Variants in RNF38 observed in about 807,000 individuals in gnomAD.
RNF38 encodes ring finger protein 38.
Under a neutral mutation model 67.2 loss-of-function variants are expected in RNF38, and 15 were observed. The observed-to-expected ratio is 0.22, with a 90% CI of 0.15 to 0.34. The LOEUF (loss-of-function observed/expected upper bound fraction) is 0.34. Ranked by LOEUF, RNF38 falls within the 10% of genes least tolerant of loss-of-function variation. The pLI is 1.00. For synonymous variants in RNF38, 220 were observed against 218.8 expected, an observed-to-expected ratio of 1.01 and a Z score of -0.05; for missense variants, 524 against 639.9, an observed-to-expected ratio of 0.82 and a Z score of 1.95.
chr9:36,453,528 G>A (rs1328004456), intron 1 of RNF38, among the ~76,000 whole-genome samples: 4 of 151,826 alleles, frequency 2.6e-5, no homozygotes, highest in African/African-American at 7.3e-5. Context: ...GATTACAGGC[G>A]CACGCTGCCA....
chr9:36,350,152 C>T (rs1225849203), intron 9 of RNF38, among the ~76,000 whole-genome samples: 1 of 152,170 alleles, frequency 6.6e-6, no homozygotes, highest in Non-Finnish European at 1.5e-5. Flanking sequence ...TATCCTTCCC[C>T]CATTGTGTTT....
At chr9:36,483,477 A>G (rs1840328864) in intron 1 of RNF38, among the ~76,000 whole-genome samples, 1 of 152,182 alleles carries the variant, frequency 6.6e-6, no homozygotes, top group Non-Finnish European at 1.5e-5. Flanking sequence ...CAGGCACTTC[A>G]CAAATTTCAC....
rs140575035 is a variant in RNF38, at chr9:36,487,293, T to G, written n.241+15A>C. On this transcript the variant is annotated intron_variant and non_coding_transcript_variant, in intron 1 of 3. Coordinates refer to the RNF38 transcript ENST00000488058. Reference sequence around the variant, plus strand: ...CCACGCCCCTCCCTGCCTGGCCCGCTCCGGGACCCCGTACCTGCTCCCGGC... The same window carrying G: ...CCACGCCCCTCCCTGCCTGGCCCGCGCCGGGACCCCGTACCTGCTCCCGGC... The G allele has an allele frequency of 5.4e-4, 530 of 984,462 alleles. 1 individual carries two copies. In the African/African-American group the frequency reaches 8.8e-3, roughly 16 times the overall value. The allele number at this position is 984,462 out of a possible 1,614,324, so 61.0% of individuals were successfully genotyped here.
intron 1 of RNF38, among the ~76,000 whole-genome samples, chr9:36,460,864 G>T (rs1440312392): frequency 7.7e-6 from 1 of 129,258 alleles, no homozygotes; most frequent in African/African-American, 3.0e-5. Flanking sequence ...TCCAGCCTGG[G>T]CAACAAGAGG....
At chr9:36,413,855 A>G (rs910297151) in intron 2 of RNF38, among the ~76,000 whole-genome samples, 2 of 152,162 alleles carry the variant, frequency 1.3e-5, no homozygotes, top group African/African-American at 4.8e-5. Flanking sequence ...GAAGTCCTCC[A>G]CTATTATTGT....
intron 1 of RNF38, among the ~76,000 whole-genome samples, chr9:36,442,968 C>A (rs1235826927): frequency 2.0e-5 from 3 of 152,326 alleles, no homozygotes; most frequent in Non-Finnish European, 1.5e-5. Flanking sequence ...ATTAGTAAGT[C>A]CTCCTCTGGG....
At chr9:36,440,516 A>G (rs1281121365) in intron 1 of RNF38, among the ~76,000 whole-genome samples, 3 of 152,048 alleles carry the variant, frequency 2.0e-5, no homozygotes, top group African/African-American at 7.2e-5. Context: ...GGGCAACAAG[A>G]GCGAAACTCC....
intron 2 of RNF38, among the ~76,000 whole-genome samples, chr9:36,390,199 A>G (rs1248180243): frequency 1.3e-5 from 2 of 152,198 alleles, no homozygotes; most frequent in African/African-American, 4.8e-5. Flanking sequence ...AACTTGACCT[A>G]TTAGGACAAG....
chr9:36,375,988 C>T lies in RNF38; in HGVS notation c.302G>A (p.Ser101Asn). 1.2e-6 allele frequency: 2 copies of T among 1,613,120 alleles called. No homozygotes were observed. Among genetic ancestry groups the T allele is most frequent in the Non-Finnish European group, 1.7e-6 (2 of 1,179,666 alleles). ...SNRQPPSVRP[S>N]QHHFSGERCN... ...TCGTTCCCCTGAGAAGTGATGTTGG[C>T]TTGGTCGAACTGAAGGGGGCTGCCT... Residue 101 changes from serine to asparagine, a missense_variant, in exon 3 of 12, where the codon AGC becomes AAC. Ser to Asn is a conservative substitution (Grantham distance 46). This residue lies in a region of RNF38 where 461 missense variants were observed against 517.4 expected (regional missense o/e 0.89). Coordinates refer to ENST00000259605, the MANE Select transcript of RNF38 (RefSeq NM_022781.5).
intron 9 of RNF38, among the ~76,000 whole-genome samples, chr9:36,347,646 G>A (rs1311719102): frequency 6.6e-6 from 1 of 152,128 alleles, no homozygotes. Flanking sequence ...CTGGCTATTC[G>A]CCCATCTCTC....
intron 1 of RNF38, among the ~76,000 whole-genome samples, chr9:36,440,863 A>G (rs116635944): frequency 0.01 from 1,538 of 152,296 alleles, 26 homozygotes; most frequent in African/African-American, 0.034. Context: ...AATCTCAGAT[A>G]CTTTGGGAGG....
intron 5 of RNF38, among the ~76,000 whole-genome samples, chr9:36,356,747 TGGGGGGGGC>T (rs1834141279): frequency 3.4e-5 from 1 of 29,456 alleles, no homozygotes; most frequent in African/African-American, 1.3e-4. Context: ...GGGGCGGGTG[TGGGGGGGGC>T]GGGGGGGAAG....
intron 1 of RNF38, among the ~76,000 whole-genome samples, chr9:36,442,345 G>C (rs1168982121): frequency 6.6e-6 from 1 of 152,146 alleles, no homozygotes; most frequent in African/African-American, 2.4e-5. Context: ...ATTGGAGCTT[G>C]GGGGTTCATT....
At chr9:36,449,549 C>A (rs1235514259) in intron 1 of RNF38, among the ~76,000 whole-genome samples, 1 of 152,158 alleles carries the variant, frequency 6.6e-6, no homozygotes, top group Non-Finnish European at 1.5e-5. Flanking sequence ...AATTCTCCTG[C>A]CTCAGCCTCC....
chr9:36,471,795 A>G (rs773522247), intron 1 of RNF38, among the ~76,000 whole-genome samples: 61 of 152,334 alleles, frequency 4.0e-4, no homozygotes, highest in Middle Eastern at 3.4e-3. Context: ...GAGTCTTGCT[A>G]TGTTGCCTGG....
intron 1 of RNF38, among the ~76,000 whole-genome samples, chr9:36,392,347 A>G (rs2134038556): frequency 6.6e-6 from 1 of 152,364 alleles, no homozygotes; most frequent in South Asian, 2.1e-4. Flanking sequence ...TACTACAAAC[A>G]TGAATGTGCT....
At chr9:36,466,647 T>C (rs145377172) in intron 1 of RNF38, among the ~76,000 whole-genome samples, 1 of 152,164 alleles carries the variant, frequency 6.6e-6, no homozygotes, top group African/African-American at 2.4e-5. Context: ...CCAACATTAT[T>C]ATAAAGTGGG....
In RNF38 at chr9:36,481,101, G is replaced by A. The variant is rs528944755; in HGVS notation, n.241+6207C>T. On this transcript the variant is annotated intron_variant and non_coding_transcript_variant, in intron 1 of 3. Transcript: ENST00000488058. Reference sequence around the variant, plus strand: ...GCAATCTCGGCTCATTGCAACCTCCGCCTCCTGGGTTCAAGCGATTCTCCT... The same window carrying A: ...GCAATCTCGGCTCATTGCAACCTCCACCTCCTGGGTTCAAGCGATTCTCCT... Among the ~76,000 whole-genome samples, 6 of 147,590 alleles carry A rather than the reference G, an allele frequency of 4.1e-5. 1 individual carries two copies. The highest frequency in any genetic ancestry group is 4.3e-4 in the South Asian group (2 of 4,702).
chr9:36,367,932 A>G (rs953951470), intron 4 of RNF38, among the ~76,000 whole-genome samples: 4 of 152,222 alleles, frequency 2.6e-5, no homozygotes, highest in Admixed American at 6.5e-5. Context: ...GCTCACTGCA[A>G]CCTCCACCTC....
Sources: allele counts gnomAD v4.1 joint callset (sites outside exome capture counted in the v4.1 genomes callset), GRCh38; gene constraint gnomAD v4.1.1; regional missense constraint gnomAD v4.1.1; transcripts MANE v1.5; gene names NCBI Gene and HGNC (gene_info 2026-07-23, HGNC 2026-07-21).